ME2: variants seen among roughly 807,000 people sequenced by gnomAD.
ME2 encodes NAD-dependent malic enzyme, mitochondrial.
In ME2, 60 loss-of-function variants were observed where a neutral mutation model predicts 73.7. The observed-to-expected ratio is 0.81, with a 90% CI of 0.66 to 1.01. ME2 has a LOEUF of 1.01. Ranked by LOEUF, ME2 falls within the 50% of genes least tolerant of loss-of-function variation. The probability of loss-of-function intolerance (pLI) is 0.00; values close to 1 mark genes in which losing one functional copy is unlikely to be tolerated. For missense variants in ME2, 594 were observed against 705.5 expected (o/e 0.84, Z 1.79); for synonymous variants, 199 against 236.9 (o/e 0.84, Z 1.47).
intron 1 of ME2, among the ~76,000 whole-genome samples, chr18:50,886,246 A>T (rs1418029702): frequency 2.0e-4 from 28 of 142,802 alleles, no homozygotes; most frequent in Non-Finnish European, 2.6e-4. Flanking sequence ...GGTAAGTTAG[A>T]TTTTTTTTTT....
Position 50,951,547 on chromosome 18 carries a change from C to CTTTTTTTTTTTTT in ME2, c.*4368_*4380dup. 7.3e-6 allele frequency: 1 copy of CTTTTTTTTTTTTT among 136,122 alleles called. No individual in the cohort carries two copies. 8.4% of individuals were successfully genotyped at this position (136,122 alleles called of 1,614,324 possible). A position where few individuals can be genotyped will look rare whatever the true frequency, so the allele number is the denominator to read the frequency against. ...TCTCTTCTTTGACGTGTTACGTTGT[C>CTTTTTTTTTTTTT]TTTTTTTTTTTTTTTTTAACTTCTT... On this transcript the variant is annotated 3_prime_UTR_variant, in exon 16 of 16. Transcript: ENST00000321341.
At chr18:50,891,283 A>G (rs1280912781) in intron 1 of ME2, among the ~76,000 whole-genome samples, 2 of 152,244 alleles carry the variant, frequency 1.3e-5, no homozygotes, top group African/African-American at 4.8e-5. Context: ...TGAATATGTC[A>G]GAGGAGACAC....
At chr18:50,899,235 C>T (rs1489604745) in intron 2 of ME2, among the ~76,000 whole-genome samples, 2 of 152,138 alleles carry the variant, frequency 1.3e-5, no homozygotes, top group Non-Finnish European at 2.9e-5. Context: ...ATTCCCTACC[C>T]CCTGAAATAG....
chr18:50,910,440 G>GAA (rs1207940247), intron 3 of ME2, among the ~76,000 whole-genome samples: 8 of 80,316 alleles, frequency 1.0e-4, no homozygotes, highest in East Asian at 3.6e-4. Flanking sequence ...CCCTGTCTCA[G>GAA]AAAAAAAAAA....
chr18:50,936,530 T>A (rs1183185909), intron 13 of ME2, among the ~76,000 whole-genome samples: 1 of 152,040 alleles, frequency 6.6e-6, no homozygotes, highest in Non-Finnish European at 1.5e-5. Flanking sequence ...TTTTGAAAAA[T>A]ATATATAGAG....
rs371525217 is a variant in ME2, at chr18:50,939,602, C to T, written c.1450C>T (p.Arg484Trp). 5.0e-6 allele frequency: 8 copies of T among 1,611,908 alleles called. No individual in the cohort carries two copies. Among genetic ancestry groups the T allele is most frequent in the Middle Eastern group, 1.6e-4 (1 of 6,074 alleles). ...VALAVILCNT[R>W]HISDSVFLEA... is the part of the protein sequence containing the mutation. ...TTTAGCTGTTATTCTCTGTAACACC[C>T]GGCATATTAGTGACAGTGTTTTCCT... The change falls in exon 14 of 16, where the codon CGG becomes TGG. Residue 484 changes from arginine to tryptophan, a missense_variant. Physicochemically the swap from Arg to Trp is moderately radical, Grantham distance 101 (BLOSUM62 -3). Coordinates refer to ENST00000321341, the MANE Select transcript of ME2 (RefSeq NM_002396.5).
At chr18:50,906,466 C>T (rs1917022252) in intron 2 of ME2, among the ~76,000 whole-genome samples, 1 of 152,128 alleles carries the variant, frequency 6.6e-6, no homozygotes, top group African/African-American at 2.4e-5. Context: ...GCACATGCCA[C>T]CACGCCCGGC....
At chr18:50,916,061 A>T in intron 4 of ME2, 107 bp from the exon 5 acceptor site, 1 of 768,258 alleles carries the variant, frequency 1.3e-6, no homozygotes, top group Admixed American at 2.6e-5. Context: ...CTTGGAAATT[A>T]TACCATGTCT....
chr18:50,939,213 A>C (rs1380028685), intron 13 of ME2: 1 of 162,856 alleles, frequency 6.1e-6, no homozygotes. Context: ...AGAGAGAGAA[A>C]CAATCAGCTA....
intron 4 of ME2, among the ~76,000 whole-genome samples, chr18:50,915,115 C>T (rs1488714893): frequency 6.7e-6 from 1 of 148,614 alleles, no homozygotes; most frequent in African/African-American, 2.6e-5. Flanking sequence ...CCTCCTCCTC[C>T]TCTTTATGAT....
intron 15 of ME2, among the ~76,000 whole-genome samples, chr18:50,940,969 C>T (rs147804798): frequency 1.8e-3 from 270 of 152,104 alleles, no homozygotes; most frequent in African/African-American, 6.1e-3. Context: ...TTAGAAATAA[C>T]ACTGTAGGCT....
Position 50,908,520 on chromosome 18 carries a change from T to C in ME2, c.242+324T>C, listed in dbSNP as rs17805589. Among the ~76,000 whole-genome samples, 669 of 152,350 alleles carry C rather than the reference T, an allele frequency of 4.4e-3. 10 individuals carry two copies. The East Asian group carries it at 0.065, about 15-fold the overall frequency. ...TGATCACCTGCTTTGTGTTTGACAC[T>C]GTACCAGCCACTGAGGCTATAAAGT... On this transcript the variant is annotated intron_variant, in intron 3 of 15. Coordinates refer to ENST00000321341, the MANE Select transcript of ME2 (RefSeq NM_002396.5).
At chr18:50,939,485 A>C (rs1917894176) in intron 13 of ME2, 85 bp from the exon 14 acceptor site, 4 of 873,504 alleles carry the variant, frequency 4.6e-6, no homozygotes, top group Non-Finnish European at 7.6e-6. Context: ...TGGATGGATT[A>C]CCATTTATTT....
intron 2 of ME2, among the ~76,000 whole-genome samples, chr18:50,896,881 A>T (rs1337034361): frequency 6.6e-6 from 1 of 152,222 alleles, no homozygotes; most frequent in Non-Finnish European, 1.5e-5. Context: ...ATGACACAGA[A>T]TGAGTTCAGC....
At chr18:50,885,708 CATT>C (rs1273555674) in intron 1 of ME2, among the ~76,000 whole-genome samples, 2 of 151,828 alleles carry the variant, frequency 1.3e-5, no homozygotes, top group Non-Finnish European at 2.9e-5. Flanking sequence ...CTATAATTAA[CATT>C]ATTATTCATA....
At chr18:50,924,980 A>G (rs1447092785) in intron 11 of ME2, among the ~76,000 whole-genome samples, 1 of 149,942 alleles carries the variant, frequency 6.7e-6, no homozygotes, top group East Asian at 2.0e-4. Flanking sequence ...AAAATAAACA[A>G]CCCCCCATTT....
In ME2 at chr18:50,912,801, A is replaced by G. The variant is rs1464254339; in HGVS notation, c.243A>G (p.Lys81=). 6.3e-7 allele frequency: 1 copy of G among 1,575,542 alleles called. No homozygotes were observed. The highest frequency in any genetic ancestry group is 1.7e-4 in the Middle Eastern group (1 of 5,736). The change falls in exon 4 of 16, where the codon AAA becomes AAG. Residue 81 remains lysine, a splice_region_variant and synonymous_variant. Transcript: ENST00000321341. ...NLKKMTSPLE[K]YIYIMGIQER... ...CATTATTTACTGTGCTTCATTTCAGATATATCTACATAATGGGAATACAAG... is the reference window on the plus strand; with the variant it reads ...CATTATTTACTGTGCTTCATTTCAGGTATATCTACATAATGGGAATACAAG...
Position 50,920,644 on chromosome 18 carries a change from CTTTG to C in ME2, c.845-13_845-10del, listed in dbSNP as rs772753626. The C allele has an allele frequency of 2.5e-6, 4 of 1,584,184 alleles. No homozygotes were observed. Among genetic ancestry groups the C allele is most frequent in the Non-Finnish European group, 3.4e-6 (4 of 1,170,832 alleles). On this transcript the variant is annotated splice_polypyrimidine_tract_variant and intron_variant, in intron 8 of 15. Coordinates refer to ENST00000321341, the MANE Select transcript of ME2 (RefSeq NM_002396.5). ...GTGCCCATTTTTTATTTGTAAAAAT[CTTTG>C]TTTTTCTTACAGGGACAGCTGCAGT...
intron 15 of ME2, among the ~76,000 whole-genome samples, chr18:50,942,369 T>G (rs1392300736): frequency 1.3e-5 from 2 of 152,166 alleles, no homozygotes; most frequent in Non-Finnish European, 2.9e-5. Flanking sequence ...TAATGTAACA[T>G]TTAGTACTTT....
Sources: allele counts gnomAD v4.1 joint callset (sites outside exome capture counted in the v4.1 genomes callset), GRCh38; gene constraint gnomAD v4.1.1; transcripts MANE v1.5; gene names NCBI Gene and HGNC (gene_info 2026-07-23, HGNC 2026-07-21).